SLC39A11: variants seen among roughly 807,000 people sequenced by gnomAD.
SLC39A11 encodes the protein zinc transporter ZIP11.
Under a neutral mutation model 36.1 loss-of-function variants are expected in SLC39A11, and 33 were observed. The ratio of observed to expected loss-of-function variants is 0.91; its 90% CI spans 0.69 to 1.22. The LOEUF (loss-of-function observed/expected upper bound fraction) is 1.22, where lower values mean the gene tolerates loss of function less well. Among genes scored for constraint, SLC39A11 ranks in the 50% most tolerant of loss-of-function variants. The pLI is 0.00. For missense variants in SLC39A11, 432 were observed against 430.3 expected, an observed-to-expected ratio of 1.00 and a Z score of -0.03; for synonymous variants, 166 against 170.3, an observed-to-expected ratio of 0.97 and a Z score of 0.20.
intron 6 of SLC39A11, among the ~76,000 whole-genome samples, chr17:72,759,974 T>C (rs988548647): frequency 6.6e-6 from 1 of 152,136 alleles, no homozygotes; most frequent in Non-Finnish European, 1.5e-5. Flanking sequence ...ATGTCTTAGG[T>C]CATGGAATCT....
chr17:72,729,401 CTATTTA>C lies in SLC39A11; in HGVS notation c.671+7243_671+7248del, dbSNP rs1277134054. Among the ~76,000 whole-genome samples the C allele has an allele frequency of 9.6e-5, 6 of 62,374 alleles. 1 individual carries two copies. Among genetic ancestry groups the C allele is most frequent in the African/African-American group, 1.9e-4 (4 of 20,516 alleles). 40.9% of individuals were successfully genotyped at this position (62,374 alleles called of 152,430 possible). On this transcript the variant is annotated intron_variant, in intron 7 of 9. Coordinates refer to ENST00000255559, the MANE Select transcript of SLC39A11 (RefSeq NM_139177.4). ...TACAGGTGCATGCCACCCCACCTGG[CTATTTA>C]TATATATATATATATATATATATAT...
chr17:72,853,243 G>A (rs1161028683), intron 5 of SLC39A11, among the ~76,000 whole-genome samples: 1 of 149,244 alleles, frequency 6.7e-6, no homozygotes. Flanking sequence ...GACCAGTCTG[G>A]TCTTGAATTC....
chr17:72,918,839 G>C (rs910261993), intron 5 of SLC39A11, among the ~76,000 whole-genome samples: 2 of 152,148 alleles, frequency 1.3e-5, no homozygotes, highest in African/African-American at 2.4e-5. Flanking sequence ...GAGGTGGGTA[G>C]ATCACTTGAG....
chr17:72,734,045 C>T lies in SLC39A11; in HGVS notation c.671+2605G>A, dbSNP rs190383365. On this transcript the variant is annotated intron_variant, in intron 7 of 9. Transcript: ENST00000255559. ...TTGCAGGGTGGTAGGCTCTGCCTGT[C>T]CAGGCTACAGTTCAGCACATACCTT... 2.5e-4 allele frequency among the ~76,000 whole-genome samples: 38 copies of T among 152,284 alleles called. 1 individual carries two copies. The Middle Eastern group carries it at 0.014, about 55-fold the overall frequency.
At chr17:72,842,649 T>C (rs559766829) in intron 6 of SLC39A11, among the ~76,000 whole-genome samples, 6 of 152,172 alleles carry the variant, frequency 3.9e-5, no homozygotes, top group South Asian at 2.1e-4. Flanking sequence ...GACAGTATGC[T>C]CAAAAGGCTG....
intron 5 of SLC39A11, among the ~76,000 whole-genome samples, chr17:72,917,882 A>G (rs868434232): frequency 2.2e-4 from 33 of 152,210 alleles, no homozygotes; most frequent in African/African-American, 8.0e-4. Context: ...ACCACCAGCT[A>G]CCTACAGCAG....
chr17:73,065,200 T>A (rs1425779437), intron 3 of SLC39A11, among the ~76,000 whole-genome samples: 1 of 151,644 alleles, frequency 6.6e-6, no homozygotes, highest in Non-Finnish European at 1.5e-5. Flanking sequence ...AGGTCAGGAG[T>A]TCGAGACCAG....
At chr17:72,902,858 C>T (rs897432702) in intron 5 of SLC39A11, among the ~76,000 whole-genome samples, 2 of 152,116 alleles carry the variant, frequency 1.3e-5, no homozygotes, top group African/African-American at 2.4e-5. Context: ...CATTACAGAA[C>T]TATTATAGAG....
At chr17:72,789,091 G>A in intron 6 of SLC39A11, among the ~76,000 whole-genome samples, 1 of 150,932 alleles carries the variant, frequency 6.6e-6, no homozygotes, top group East Asian at 1.9e-4. Context: ...TTGGAATGCA[G>A]TGGCGCAATC....
chr17:72,717,061 T>C (rs1324860102), intron 7 of SLC39A11, among the ~76,000 whole-genome samples: 1 of 147,382 alleles, frequency 6.8e-6, no homozygotes, highest in Non-Finnish European at 1.5e-5. Flanking sequence ...CATATATACA[T>C]ATATACACAT....
At chr17:73,005,125 T>C (rs1185310070) in intron 4 of SLC39A11, among the ~76,000 whole-genome samples, 1 of 152,176 alleles carries the variant, frequency 6.6e-6, no homozygotes, top group Non-Finnish European at 1.5e-5. Context: ...GCCTCCCAAG[T>C]AGCTGGGATT....
At chr17:72,833,885 G>A (rs982134596) in intron 6 of SLC39A11, among the ~76,000 whole-genome samples, 2 of 152,146 alleles carry the variant, frequency 1.3e-5, no homozygotes, top group Non-Finnish European at 2.9e-5. Context: ...AGAACCAACA[G>A]GAGCAAGAGA....
In SLC39A11 at chr17:72,773,271, C is replaced by G. The variant is rs188403804; in HGVS notation, c.602-36552G>C. Among the ~76,000 whole-genome samples the G allele has an allele frequency of 2.1e-3, 319 of 152,242 alleles. 1 individual carries two copies. Among genetic ancestry groups the G allele is most frequent in the African/African-American group, 7.2e-3 (297 of 41,538 alleles). ...ATGTATCTTCTATAGACAGGGGTGA[C>G]ATGGTTTGGCTGTGTCCCCACCCAA... On this transcript the variant is annotated intron_variant, in intron 6 of 9. Transcript: ENST00000255559.
chr17:72,898,796 T>A (rs138737823), intron 5 of SLC39A11, among the ~76,000 whole-genome samples: 1 of 152,378 alleles, frequency 6.6e-6, no homozygotes, highest in African/African-American at 2.4e-5. Context: ...TCTTTTCTTT[T>A]CTGCAGCGGC....
chr17:72,899,101 C>T (rs1013492294), intron 5 of SLC39A11, among the ~76,000 whole-genome samples: 15 of 152,192 alleles, frequency 9.9e-5, no homozygotes, highest in Non-Finnish European at 1.5e-4. Context: ...CAAAAGAAAA[C>T]GTGATGACTT....
intron 3 of SLC39A11, among the ~76,000 whole-genome samples, chr17:73,045,099 G>A (rs1185670516): frequency 2.0e-5 from 3 of 151,766 alleles, no homozygotes; most frequent in Non-Finnish European, 4.4e-5. Context: ...CAGGTTCTGG[G>A]GTCTATCCTA....
At position 72,880,933 on chromosome 17, in the gene SLC39A11, G is replaced by A. The variant is rs60674975; in HGVS notation, c.431-31129C>T. ...CCTGACCTTGTGATCCGCCCACCTC[G>A]GCCTCCCAAAGTGCTGGGATTACAG... On this transcript the variant is annotated intron_variant, in intron 5 of 9. Coordinates refer to ENST00000255559, the MANE Select transcript of SLC39A11 (RefSeq NM_139177.4). Among the ~76,000 whole-genome samples, 153 of 45,940 alleles carry A rather than the reference G, an allele frequency of 3.3e-3. 1 individual carries two copies. Among genetic ancestry groups the A allele is most frequent in the Middle Eastern group, 8.1e-3 (1 of 124 alleles). 30.1% of individuals were successfully genotyped at this position (45,940 alleles called of 152,430 possible).
At chr17:72,853,091 T>C (rs1021487291) in intron 5 of SLC39A11, among the ~76,000 whole-genome samples, 2 of 152,128 alleles carry the variant, frequency 1.3e-5, no homozygotes, top group African/African-American at 4.8e-5. Context: ...CTCAGCTCAC[T>C]GCAGCCTCCA....
chr17:72,714,445 C>T (rs779903891), intron 7 of SLC39A11, among the ~76,000 whole-genome samples: 2 of 152,026 alleles, frequency 1.3e-5, no homozygotes, highest in Admixed American at 6.5e-5. Flanking sequence ...TTGCACCAGG[C>T]TAATACTGTT....
Sources: allele counts gnomAD v4.1 joint callset (sites outside exome capture counted in the v4.1 genomes callset), GRCh38; gene constraint gnomAD v4.1.1; transcripts MANE v1.5; gene names NCBI Gene and HGNC (gene_info 2026-07-23, HGNC 2026-07-21).